KIAA1217: variants seen among roughly 807,000 people sequenced by gnomAD.
KIAA1217 encodes the protein KIAA1217.
KIAA1217 carries 88 observed loss-of-function variants against 163.9 expected under a neutral mutation model. The ratio of observed to expected loss-of-function variants is 0.54; its 90% CI spans 0.45 to 0.64. The LOEUF (loss-of-function observed/expected upper bound fraction) is 0.64, where lower values mean the gene tolerates loss of function less well. Among genes scored for constraint, KIAA1217 ranks in the 30% least tolerant of loss-of-function variants. The pLI is 0.00. For synonymous variants in KIAA1217, 903 were observed against 923.1 expected (o/e 0.98, Z 0.39); for missense variants, 2,372 against 2,475.0 (o/e 0.96, Z 0.88).
At chr10:24,355,668 G>T (rs2048992962) in intron 2 of KIAA1217, among the ~76,000 whole-genome samples, 1 of 139,378 alleles carries the variant, frequency 7.2e-6, no homozygotes. Context: ...GAAGCCAAGT[G>T]TTGTAGGTCT....
intron 2 of KIAA1217, among the ~76,000 whole-genome samples, chr10:24,351,906 A>G (rs2048503253): frequency 6.6e-6 from 1 of 152,108 alleles, no homozygotes; most frequent in African/African-American, 2.4e-5. Context: ...CAGTCTATCC[A>G]CAAGCCACCA....
At chr10:23,722,559 A>G (rs1025182277) in intron 1 of KIAA1217, among the ~76,000 whole-genome samples, 1 of 152,154 alleles carries the variant, frequency 6.6e-6, no homozygotes, top group African/African-American at 2.4e-5. Context: ...AATATTTTCC[A>G]TATATATTTA....
At chr10:24,103,152 T>A (rs914053357) in intron 2 of KIAA1217, among the ~76,000 whole-genome samples, 1 of 152,138 alleles carries the variant, frequency 6.6e-6, no homozygotes, top group African/African-American at 2.4e-5. Context: ...GAGAACAGAC[T>A]CATACAATGG....
chr10:23,970,405 G>T (rs909813071), intron 1 of KIAA1217, among the ~76,000 whole-genome samples: 2 of 152,182 alleles, frequency 1.3e-5, no homozygotes, highest in Non-Finnish European at 2.9e-5. Flanking sequence ...AATATCACAT[G>T]ATCTCATTTG....
chr10:24,045,613 C>T (rs548104435), intron 2 of KIAA1217, among the ~76,000 whole-genome samples: 4 of 152,086 alleles, frequency 2.6e-5, no homozygotes, highest in African/African-American at 4.8e-5. Context: ...TTTTGATCAT[C>T]GTCATATTTT....
At chr10:23,895,534 C>A (rs1455368300) in intron 1 of KIAA1217, among the ~76,000 whole-genome samples, 1 of 152,100 alleles carries the variant, frequency 6.6e-6, no homozygotes, top group Non-Finnish European at 1.5e-5. Flanking sequence ...AACACTTTTA[C>A]ACTGTTGGTG....
At chr10:24,141,093 T>C (rs933863407) in intron 2 of KIAA1217, among the ~76,000 whole-genome samples, 1 of 152,112 alleles carries the variant, frequency 6.6e-6, no homozygotes, top group African/African-American at 2.4e-5. Flanking sequence ...ATGAGTTTAC[T>C]TTCTTTCCTC....
chr10:24,438,615 A>G (rs893897471), intron 5 of KIAA1217, 136 bp downstream of exon 5: 5 of 603,088 alleles, frequency 8.3e-6, no homozygotes, highest in African/African-American at 7.4e-5. Flanking sequence ...CTAGTGGATC[A>G]TTATTTGTTC....
intron 1 of KIAA1217, among the ~76,000 whole-genome samples, chr10:23,779,535 A>T (rs1429910162): frequency 6.6e-6 from 1 of 152,216 alleles, no homozygotes; most frequent in Non-Finnish European, 1.5e-5. Context: ...TGGAAGTTAA[A>T]TTGACCACAA....
chr10:24,136,221 A>G (rs1664965480), intron 2 of KIAA1217, among the ~76,000 whole-genome samples: 1 of 152,118 alleles, frequency 6.6e-6, no homozygotes, highest in Non-Finnish European at 1.5e-5. Context: ...GTCTATGCAT[A>G]TTTGTGCTAT....
At chr10:24,067,793 A>C (rs568902157) in intron 2 of KIAA1217, among the ~76,000 whole-genome samples, 6 of 152,244 alleles carry the variant, frequency 3.9e-5, no homozygotes, top group Non-Finnish European at 7.3e-5. Flanking sequence ...GGCTCCACCC[A>C]GTTCGAGCTT....
intron 1 of KIAA1217, among the ~76,000 whole-genome samples, chr10:23,843,207 C>T (rs1332130249): frequency 2.0e-5 from 3 of 152,084 alleles, no homozygotes; most frequent in Admixed American, 6.6e-5. Flanking sequence ...ATGCTATGGC[C>T]ATTAAGATAT....
At chr10:23,850,683 T>A (rs992150130) in intron 1 of KIAA1217, among the ~76,000 whole-genome samples, 1 of 152,106 alleles carries the variant, frequency 6.6e-6, no homozygotes, top group Admixed American at 6.6e-5. Flanking sequence ...CCTGTATTAG[T>A]CTGTTCTCAC....
At chr10:24,523,315 C>T (rs903612511) in intron 12 of KIAA1217, among the ~76,000 whole-genome samples, 25 of 152,062 alleles carry the variant, frequency 1.6e-4, no homozygotes, top group Non-Finnish European at 5.9e-5. Flanking sequence ...GAGCGAGGCC[C>T]TGTTTCTTAA....
chr10:24,412,331 T>TG (rs2057858848), intron 3 of KIAA1217, among the ~76,000 whole-genome samples: 1 of 152,198 alleles, frequency 6.6e-6, no homozygotes. Context: ...TCAGCTTTAA[T>TG]GCCACATTCC....
chr10:23,872,987 G>T (rs1588990004), intron 1 of KIAA1217, among the ~76,000 whole-genome samples: 3 of 152,112 alleles, frequency 2.0e-5, no homozygotes, highest in African/African-American at 7.2e-5. Context: ...AGCCTGAAAT[G>T]AAAGAAATGA....
intron 2 of KIAA1217, among the ~76,000 whole-genome samples, chr10:24,086,973 G>A (rs1220307245): frequency 6.6e-6 from 1 of 152,198 alleles, no homozygotes; most frequent in Non-Finnish European, 1.5e-5. Context: ...TCCTGCAGAT[G>A]ACATGGCCTT....
At chr10:24,409,809 A>G (rs1381358014) in intron 3 of KIAA1217, among the ~76,000 whole-genome samples, 1 of 151,950 alleles carries the variant, frequency 6.6e-6, no homozygotes, top group Non-Finnish European at 1.5e-5. Flanking sequence ...AAGTCCTCAT[A>G]GCTCAGCTCC....
intron 2 of KIAA1217, among the ~76,000 whole-genome samples, chr10:24,154,088 G>A (rs547825233): frequency 0.029 from 4,369 of 150,534 alleles, 94 homozygotes; most frequent in Middle Eastern, 0.071. Flanking sequence ...CTCCCAAGTA[G>A]CTGGGACTAC....
Sources: gnomAD v4.1 joint callset for allele counts (sites outside exome capture counted in the v4.1 genomes callset) on GRCh38, gnomAD v4.1.1 for gene constraint, MANE v1.5 for transcripts, NCBI Gene and HGNC (gene_info 2026-07-23, HGNC 2026-07-21) for gene names.